The following SLC8A3 variants were observed in gnomAD, a reference collection of about 807,000 sequenced individuals.
SLC8A3 encodes solute carrier family 8 member A3, also known as sodium/calcium exchanger 3.
SLC8A3 carries 37 observed loss-of-function variants against 65.4 expected under a neutral mutation model. The ratio of observed to expected loss-of-function variants is 0.57; its 90% CI spans 0.44 to 0.74. The LOEUF (loss-of-function observed/expected upper bound fraction) is 0.74, where lower values mean the gene tolerates loss of function less well. Among genes scored for constraint, SLC8A3 ranks in the 30% least tolerant of loss-of-function variants. The pLI is 0.00. For synonymous variants in SLC8A3, 461 were observed against 444.5 expected, an observed-to-expected ratio of 1.04 and a Z score of -0.47; for missense variants, 1,112 against 1,172.1, an observed-to-expected ratio of 0.95 and a Z score of 0.75.
At chr14:70,150,090 G>C (rs11158839) in intron 2 of SLC8A3, among the ~76,000 whole-genome samples, 5 of 152,210 alleles carry the variant, frequency 3.3e-5, no homozygotes, top group African/African-American at 1.2e-4. Context: ...TGAGCAAAAC[G>C]CTGGCCCAGA....
intron 2 of SLC8A3, among the ~76,000 whole-genome samples, chr14:70,074,686 G>A (rs1477215932): frequency 6.6e-6 from 1 of 152,190 alleles, no homozygotes; most frequent in Non-Finnish European, 1.5e-5. Flanking sequence ...ATCAGGGTGA[G>A]ACTAGTAAGT....
At chr14:70,074,965 G>C (rs1890347502) in intron 2 of SLC8A3, among the ~76,000 whole-genome samples, 1 of 152,132 alleles carries the variant, frequency 6.6e-6, no homozygotes. Flanking sequence ...AGTCGAGTTT[G>C]AGTTCCGCTG....
chr14:70,187,763 C>T (rs1462275218), intron 1 of SLC8A3, among the ~76,000 whole-genome samples: 3 of 152,116 alleles, frequency 2.0e-5, no homozygotes, highest in Non-Finnish European at 4.4e-5. Flanking sequence ...AGAAACCCTC[C>T]TTCTCCCTCG....
chr14:70,132,480 G>A (rs1894904593), intron 2 of SLC8A3, among the ~76,000 whole-genome samples: 1 of 152,184 alleles, frequency 6.6e-6, no homozygotes, highest in African/African-American at 2.4e-5. Context: ...ATAGTGCTGA[G>A]GTGTTCCGAC....
At chr14:70,086,401 C>CTTTTTTTT (rs10605312) in intron 2 of SLC8A3, among the ~76,000 whole-genome samples, 12 of 116,150 alleles carry the variant, frequency 1.0e-4, no homozygotes, top group Non-Finnish European at 1.8e-4. Flanking sequence ...TTTCTTTTTT[C>CTTTTTTTT]TTTTTTTTTT....
chr14:70,071,770 C>T (rs1434506453), intron 2 of SLC8A3, among the ~76,000 whole-genome samples: 4 of 152,200 alleles, frequency 2.6e-5, no homozygotes, highest in East Asian at 3.8e-4. Flanking sequence ...ACGTTTCTGA[C>T]AATTTGCTAC....
At chr14:70,124,998 CA>C (rs1439010266) in intron 2 of SLC8A3, among the ~76,000 whole-genome samples, 1 of 152,108 alleles carries the variant, frequency 6.6e-6, no homozygotes, top group Non-Finnish European at 1.5e-5. Flanking sequence ...TCTTTTTCCC[CA>C]GTCTAATTTC....
intron 3 of SLC8A3, among the ~76,000 whole-genome samples, chr14:70,054,227 T>G (rs1048571509): frequency 3.4e-5 from 5 of 147,320 alleles, no homozygotes; most frequent in Non-Finnish European, 7.5e-5. Flanking sequence ...ATGTAGCTAG[T>G]GCTCTTCCTG....
At chr14:70,133,758 G>A (rs570870482) in intron 2 of SLC8A3, among the ~76,000 whole-genome samples, 1 of 152,286 alleles carries the variant, frequency 6.6e-6, no homozygotes, top group South Asian at 2.1e-4. Context: ...CACAATTCTG[G>A]GGCTTGGGAG....
intron 1 of SLC8A3, among the ~76,000 whole-genome samples, chr14:70,173,022 G>T (rs1200874530): frequency 1.3e-5 from 2 of 152,214 alleles, no homozygotes; most frequent in African/African-American, 4.8e-5. Context: ...GCAGTGTGAG[G>T]CAGGAGGCCC....
At chr14:70,128,787 T>C (rs1416506718) in intron 2 of SLC8A3, among the ~76,000 whole-genome samples, 8 of 152,222 alleles carry the variant, frequency 5.3e-5, no homozygotes, top group African/African-American at 1.2e-4. Context: ...ATACCTTTAT[T>C]TTAGCTCTTA....
chr14:70,117,354 C>G lies in SLC8A3; in HGVS notation c.1784+49285G>C, dbSNP rs879160612. ...CTTAGAGCTCCTCATGGCCCAGGAT[C>G]CACTGAGGTCTTTGTGTGACTGGCA... On this transcript the variant is annotated intron_variant, in intron 2 of 6. Transcript: ENST00000356921. 8.6e-4 allele frequency among the ~76,000 whole-genome samples: 131 copies of G among 152,342 alleles called. 1 individual carries two copies. Among genetic ancestry groups the G allele is most frequent in the African/African-American group, 3.0e-3 (124 of 41,572 alleles).
At chr14:70,102,274 A>C (rs979355722) in intron 2 of SLC8A3, among the ~76,000 whole-genome samples, 1 of 152,248 alleles carries the variant, frequency 6.6e-6, no homozygotes, top group Non-Finnish European at 1.5e-5. Context: ...GACTAACTTT[A>C]AAACTAAAAT....
In SLC8A3 at chr14:70,167,419, A is replaced by G. The variant is rs2140371302; in HGVS notation, c.1004T>C (p.Leu335Pro). The change falls in exon 2 of 7, where the codon CTG (leucine) becomes CCG (proline). Residue 335 changes from leucine (L) to proline (P), a missense_variant. Leu to Pro is a moderately conservative substitution (Grantham distance 98). Coordinates refer to ENST00000356921, the MANE Select transcript of SLC8A3 (RefSeq NM_182932.3). ...QKHPEKDLDQ[L>P]VEMANYYALS... is the part of the protein sequence containing the mutation. ...AGCATAGTAATTGGCCATCTCCACC[A>G]GCTGATCTAAGTCCTTCTCTGGGTG... 1 of 1,614,092 alleles carries G rather than the reference A, an allele frequency of 6.2e-7. No individual in the cohort carries two copies. The highest frequency in any genetic ancestry group is 2.2e-5 in the East Asian group (1 of 44,876).
intron 3 of SLC8A3, among the ~76,000 whole-genome samples, chr14:70,054,489 A>G (rs1323892511): frequency 6.6e-6 from 1 of 150,544 alleles, no homozygotes; most frequent in African/African-American, 2.4e-5. Context: ...ATTAAATCAC[A>G]ATCTTTGTTA....
At chr14:70,177,146 C>T (rs983362631) in intron 1 of SLC8A3, among the ~76,000 whole-genome samples, 2 of 152,096 alleles carry the variant, frequency 1.3e-5, no homozygotes, top group Non-Finnish European at 2.9e-5. Flanking sequence ...TTCTGTATGC[C>T]CAGTGCCTAA....
At chr14:70,172,570 G>T (rs1235975170) in intron 1 of SLC8A3, among the ~76,000 whole-genome samples, 1 of 152,000 alleles carries the variant, frequency 6.6e-6, no homozygotes, top group Non-Finnish European at 1.5e-5. Flanking sequence ...TGTTCTGGCT[G>T]CCTGCTGCAG....
rs115386462 is a variant in SLC8A3, at chr14:70,160,182, C to T, written c.1784+6457G>A. 9.4e-3 allele frequency among the ~76,000 whole-genome samples: 1,431 copies of T among 152,256 alleles called. 20 individuals are homozygous for T. Among genetic ancestry groups the T allele is most frequent in the African/African-American group, 0.032 (1,313 of 41,554 alleles). On this transcript the variant is annotated intron_variant, in intron 2 of 6. Coordinates refer to ENST00000356921, the MANE Select transcript of SLC8A3 (RefSeq NM_182932.3). ...ATGGGGGGCTGGACGTGGTAGCTCA[C>T]GCCTGTAATCCCAGCTTTTTGGGAG...
At chr14:70,058,614 G>A (rs117193334) in intron 3 of SLC8A3, among the ~76,000 whole-genome samples, 1 of 152,338 alleles carries the variant, frequency 6.6e-6, no homozygotes, top group Non-Finnish European at 1.5e-5. Context: ...ACAGGAAGAT[G>A]TCCTTAAATG....
Sources: allele counts gnomAD v4.1 joint callset (sites outside exome capture counted in the v4.1 genomes callset), GRCh38; gene constraint gnomAD v4.1.1; transcripts MANE v1.5; gene names NCBI Gene and HGNC (gene_info 2026-07-23, HGNC 2026-07-21).